Variants in DNAAF9 observed in about 807,000 individuals in gnomAD.
The protein encoded by DNAAF9 is shulin.
A neutral mutation model predicts 167.0 loss-of-function variants in DNAAF9; 90 were observed. That is an observed-to-expected ratio of 0.54 (90% CI 0.45 to 0.64). DNAAF9 has a LOEUF of 0.64. DNAAF9 is among the 30% of genes least tolerant of loss of function. The pLI is 0.00. For missense variants in DNAAF9, 1,315 were observed against 1,442.2 expected (o/e 0.91, Z 1.43); for synonymous variants, 491 against 508.8 (o/e 0.96, Z 0.47).
intron 16 of DNAAF9, among the ~76,000 whole-genome samples, chr20:3,319,568 T>C (rs950494813): frequency 2.0e-5 from 3 of 152,130 alleles, no homozygotes; most frequent in African/African-American, 7.2e-5. Flanking sequence ...CTACCCTGAA[T>C]AGTAGTGAGC....
intron 20 of DNAAF9, among the ~76,000 whole-genome samples, chr20:3,309,774 AT>A (rs1400671868): frequency 1.3e-5 from 2 of 152,244 alleles, no homozygotes; most frequent in African/African-American, 4.8e-5. Flanking sequence ...AATTATCCTG[AT>A]TACATTAAAA....
chr20:3,283,657 T>C (rs2068800372), intron 27 of DNAAF9, among the ~76,000 whole-genome samples: 1 of 152,276 alleles, frequency 6.6e-6, no homozygotes, highest in South Asian at 2.1e-4. Context: ...CATGCTGTTC[T>C]GCATCCCTCT....
rs370700302 is a variant in DNAAF9, at chr20:3,402,579, C to CT, written c.83+4895dup. Among the ~76,000 whole-genome samples the CT allele has an allele frequency of 4.2e-3, 614 of 146,620 alleles. 16 individuals carry two copies. The highest frequency in any genetic ancestry group is 0.028 in the Admixed American group (407 of 14,640). On this transcript the variant is annotated intron_variant, in intron 1 of 36. Coordinates refer to ENST00000252032, the MANE Select transcript of DNAAF9 (RefSeq NM_001009984.3). ...CTACTCTCTACTTCTATAAGATCAA[C>CT]TTTTTTTTTTTTTCTTGACACAGGA... is the stretch of plus-strand genomic sequence containing the variant.
chr20:3,348,452 A>T, intron 8 of DNAAF9, 73 bp downstream of exon 8: 1 of 817,368 alleles, frequency 1.2e-6, no homozygotes, highest in South Asian at 2.2e-5. Flanking sequence ...TTTTGAAAAA[A>T]ATTTAATAAA....
At chr20:3,293,397 T>C (rs1469518500) in intron 25 of DNAAF9, among the ~76,000 whole-genome samples, 1 of 146,706 alleles carries the variant, frequency 6.8e-6, no homozygotes, top group Non-Finnish European at 1.5e-5. Flanking sequence ...TAAAATCCAC[T>C]CTGGGGGCCG....
intron 28 of DNAAF9, among the ~76,000 whole-genome samples, chr20:3,279,568 T>C (rs1208265537): frequency 1.3e-5 from 2 of 152,154 alleles, no homozygotes; most frequent in Non-Finnish European, 2.9e-5. Flanking sequence ...TCCTAAAACA[T>C]CATAAGGCCT....
At chr20:3,361,769 C>T in intron 6 of DNAAF9, 7 of 995,566 alleles carry the variant, frequency 7.0e-6, no homozygotes, top group Non-Finnish European at 1.0e-5. Flanking sequence ...GCTTCCTTTC[C>T]AGTACTCTGA....
chr20:3,293,554 G>A (rs951333255), intron 25 of DNAAF9, among the ~76,000 whole-genome samples: 3 of 150,926 alleles, frequency 2.0e-5, no homozygotes, highest in South Asian at 4.2e-4. Context: ...GCGTGGTGGT[G>A]CATGCCTGTA....
chr20:3,305,880 C>A lies in DNAAF9; in HGVS notation c.1679-1337G>T, dbSNP rs371233281. Among the ~76,000 whole-genome samples the A allele has an allele frequency of 2.6e-5, 4 of 152,308 alleles. No individual in the cohort carries two copies. The South Asian group carries it at 8.3e-4, about 32-fold the overall frequency. ...AGCTCTGGAAACCTCTACCCTCCAA[C>A]AAGTAGCCTGGCTTTCTGTGCACAC... On this transcript the variant is annotated intron_variant, in intron 20 of 36. Transcript: ENST00000252032.
chr20:3,255,357 G>C (rs996010031), intron 34 of DNAAF9, 73 bp from the exon 35 acceptor site: 146 of 919,112 alleles, frequency 1.6e-4, no homozygotes, highest in Non-Finnish European at 2.3e-4. Context: ...AGGGCTCTGG[G>C]CTCTATTACA....
chr20:3,366,909 G>A (rs563089717), intron 6 of DNAAF9, among the ~76,000 whole-genome samples: 205 of 150,874 alleles, frequency 1.4e-3, no homozygotes, highest in African/African-American at 4.5e-3. Context: ...TGGGCAACAC[G>A]GTGAGACTCT....
intron 1 of DNAAF9, among the ~76,000 whole-genome samples, chr20:3,399,501 C>T (rs1188024130): frequency 6.6e-6 from 1 of 152,238 alleles, no homozygotes; most frequent in South Asian, 2.1e-4. Context: ...AGCCACTGCG[C>T]CCGGCCTCCT....
chr20:3,379,383 G>A, intron 3 of DNAAF9, among the ~76,000 whole-genome samples: 1 of 148,074 alleles, frequency 6.8e-6, no homozygotes. Flanking sequence ...GCCAAGGCAA[G>A]CGGAGTTCAA....
chr20:3,261,368 AATTTT>A (rs897286260), intron 31 of DNAAF9, among the ~76,000 whole-genome samples: 24 of 150,820 alleles, frequency 1.6e-4, no homozygotes, highest in African/African-American at 4.4e-4. Flanking sequence ...TTAATTAATT[AATTTT>A]ATTTTATTTT....
chr20:3,334,478 T>C (rs1019243760), intron 10 of DNAAF9, among the ~76,000 whole-genome samples: 2 of 152,238 alleles, frequency 1.3e-5, no homozygotes, highest in African/African-American at 4.8e-5. Flanking sequence ...CTGAAAGACA[T>C]CTTGGTTGCT....
intron 16 of DNAAF9, among the ~76,000 whole-genome samples, chr20:3,319,082 CAAAAAAAAAAAAA>C (rs71195834): frequency 4.2e-5 from 3 of 71,136 alleles, no homozygotes; most frequent in Admixed American, 1.8e-4. Context: ...GACTCTGTCT[CAAAAAAAAAAAAA>C]AAAAAAAAAG....
chr20:3,283,898 G>A (rs2068804627), intron 27 of DNAAF9, among the ~76,000 whole-genome samples: 1 of 152,064 alleles, frequency 6.6e-6, no homozygotes, highest in South Asian at 2.1e-4. Flanking sequence ...AGAGTGCCTG[G>A]GGAATTTCTA....
chr20:3,279,666 A>C (rs560793728), intron 28 of DNAAF9, among the ~76,000 whole-genome samples: 1 of 152,350 alleles, frequency 6.6e-6, no homozygotes, highest in Admixed American at 6.5e-5. Context: ...GGCAGTTCAC[A>C]AACATGATCT....
intron 1 of DNAAF9, among the ~76,000 whole-genome samples, chr20:3,401,274 C>G (rs2083979601): frequency 6.6e-6 from 1 of 152,046 alleles, no homozygotes; most frequent in Non-Finnish European, 1.5e-5. Context: ...GGCGCGATCT[C>G]AGCTCACTGT....
Sources: allele counts gnomAD v4.1 joint callset (sites outside exome capture counted in the v4.1 genomes callset), GRCh38; gene constraint gnomAD v4.1.1; transcripts MANE v1.5; gene names NCBI Gene and HGNC (gene_info 2026-07-23, HGNC 2026-07-21).